Variants in CCSER1 observed in about 807,000 individuals in gnomAD.
CCSER1 encodes serine-rich coiled-coil domain-containing protein 1.
A neutral mutation model predicts 82.0 loss-of-function variants in CCSER1; 41 were observed. The observed-to-expected ratio is 0.50, with a 90% confidence interval of 0.39 to 0.65. CCSER1 has a LOEUF of 0.65. Ranked by LOEUF, CCSER1 falls within the 30% of genes least tolerant of loss-of-function variation. The pLI, the probability that CCSER1 is intolerant of heterozygous loss-of-function variation, is 0.00. For missense variants in CCSER1, 1,119 were observed against 1,064.2 expected (o/e 1.05, Z -0.72); for synonymous variants, 414 against 383.9 (o/e 1.08, Z -0.92).
intron 1 of CCSER1, among the ~76,000 whole-genome samples, chr4:90,169,359 G>A (rs190721417): frequency 1.3e-5 from 2 of 152,108 alleles, no homozygotes; most frequent in Non-Finnish European, 1.5e-5. Flanking sequence ...TTGCCTATCA[G>A]CTTAAGGAGA....
chr4:90,254,890 G>A (rs1722989509), intron 1 of CCSER1, among the ~76,000 whole-genome samples: 1 of 151,878 alleles, frequency 6.6e-6, no homozygotes, highest in Admixed American at 6.6e-5. Context: ...TGTTCCTCCT[G>A]TAGTGTTCTT....
chr4:90,372,097 G>T (rs1333532855), intron 3 of CCSER1, among the ~76,000 whole-genome samples: 4 of 151,772 alleles, frequency 2.6e-5, no homozygotes, highest in African/African-American at 9.7e-5. Flanking sequence ...TTTTTCAATT[G>T]CTGTATACCT....
At chr4:90,636,333 A>C (rs144680312) in intron 6 of CCSER1, among the ~76,000 whole-genome samples, 1,705 of 152,076 alleles carry the variant, frequency 0.011, 25 homozygotes, top group African/African-American at 0.039. Flanking sequence ...ATATTATGTA[A>C]AAATTTTCAG....
intron 10 of CCSER1, among the ~76,000 whole-genome samples, chr4:91,447,255 C>A (rs1394372411): frequency 2.0e-5 from 3 of 152,074 alleles, no homozygotes; most frequent in African/African-American, 7.2e-5. Flanking sequence ...GAACATAATG[C>A]CTTTTCTCTC....
intron 10 of CCSER1, among the ~76,000 whole-genome samples, chr4:91,095,629 G>C (rs537184509): frequency 6.6e-6 from 1 of 152,208 alleles, no homozygotes; most frequent in South Asian, 2.1e-4. Context: ...TGATTTTCAG[G>C]ACTATCCGGA....
At chr4:90,448,444 AATATATAT>A (rs70963067) in intron 4 of CCSER1, among the ~76,000 whole-genome samples, 596 of 44,074 alleles carry the variant, frequency 0.014, 11 homozygotes, top group East Asian at 0.028. Flanking sequence ...AGGTGAATTG[AATATATAT>A]ATATATATAT....
intron 10 of CCSER1, among the ~76,000 whole-genome samples, chr4:91,123,002 G>A (rs1727220293): frequency 6.6e-6 from 1 of 151,586 alleles, no homozygotes; most frequent in South Asian, 2.1e-4. Flanking sequence ...TTTCATATAG[G>A]GCAGAATACT....
At chr4:91,261,524 TGTGTAC>T (rs1741129459) in intron 10 of CCSER1, among the ~76,000 whole-genome samples, 1 of 152,226 alleles carries the variant, frequency 6.6e-6, no homozygotes, top group Non-Finnish European at 1.5e-5. Context: ...TCATATCTGC[TGTGTAC>T]GTAATAATCT....
intron 1 of CCSER1, among the ~76,000 whole-genome samples, chr4:90,190,344 A>G (rs908222607): frequency 6.6e-6 from 1 of 152,152 alleles, no homozygotes; most frequent in Non-Finnish European, 1.5e-5. Context: ...AGAATTGTAC[A>G]TTGTTGTTTT....
intron 10 of CCSER1, among the ~76,000 whole-genome samples, chr4:91,123,596 T>C (rs1013590424): frequency 2.0e-5 from 3 of 151,748 alleles, no homozygotes; most frequent in African/African-American, 7.2e-5. Flanking sequence ...ATTCTGACTT[T>C]GATTCTGGGC....
intron 5 of CCSER1, among the ~76,000 whole-genome samples, chr4:90,474,639 C>G (rs1314716016): frequency 6.6e-6 from 1 of 152,122 alleles, no homozygotes; most frequent in Non-Finnish European, 1.5e-5. Context: ...TGAGGACTTT[C>G]CTCCTCCCCT....
At chr4:91,354,550 CTG>C (rs1748695047) in intron 10 of CCSER1, among the ~76,000 whole-genome samples, 1 of 152,242 alleles carries the variant, frequency 6.6e-6, no homozygotes, top group Non-Finnish European at 1.5e-5. Flanking sequence ...CACCATGTAA[CTG>C]TTTTTGTGGT....
chr4:90,591,608 T>C (rs540306572), intron 5 of CCSER1, among the ~76,000 whole-genome samples: 2 of 152,274 alleles, frequency 1.3e-5, no homozygotes, highest in South Asian at 4.1e-4. Context: ...AGTTCAACCA[T>C]TGTGGAAGAT....
At chr4:90,468,553 T>C (rs1355337104) in intron 5 of CCSER1, 199 bp downstream of exon 5, 1 of 449,328 alleles carries the variant, frequency 2.2e-6, no homozygotes, top group East Asian at 3.8e-5. Context: ...GAACCATGTG[T>C]CATTCAAGTT....
chr4:90,417,846 A>G (rs1185688814), intron 4 of CCSER1, among the ~76,000 whole-genome samples: 2 of 152,168 alleles, frequency 1.3e-5, no homozygotes, highest in Non-Finnish European at 2.9e-5. Flanking sequence ...TTTTCCTAAT[A>G]CGAATGGTAA....
chr4:91,418,317 A>AAAC (rs58827614), intron 10 of CCSER1, among the ~76,000 whole-genome samples: 3 of 150,422 alleles, frequency 2.0e-5, no homozygotes, highest in African/African-American at 7.3e-5. Flanking sequence ...AAAAAAAAAA[A>AAAC]CAAAATTGAC....
chr4:91,204,627 A>C (rs552884850), intron 10 of CCSER1, among the ~76,000 whole-genome samples: 1 of 151,820 alleles, frequency 6.6e-6, no homozygotes, highest in African/African-American at 2.4e-5. Flanking sequence ...TTTTTGTGCA[A>C]GTAAATAAAC....
chr4:90,397,485 C>A (rs903856659), intron 3 of CCSER1, among the ~76,000 whole-genome samples: 8 of 152,188 alleles, frequency 5.3e-5, no homozygotes, highest in African/African-American at 1.9e-4. Context: ...ATGTATGCCT[C>A]TGGATCTCAG....
intron 10 of CCSER1, among the ~76,000 whole-genome samples, chr4:91,557,314 C>G (rs565530293): frequency 6.6e-6 from 1 of 151,382 alleles, no homozygotes; most frequent in African/African-American, 2.4e-5. Flanking sequence ...ATACCTTGTG[C>G]TATTGACTTA....
Sources: allele counts gnomAD v4.1 joint callset (sites outside exome capture counted in the v4.1 genomes callset), GRCh38; gene constraint gnomAD v4.1.1; transcripts MANE v1.5; gene names NCBI Gene and HGNC (gene_info 2026-07-23, HGNC 2026-07-21).